RSF1: variants seen among roughly 807,000 people sequenced by gnomAD.
RSF1 encodes the protein remodeling and spacing factor 1, also known as HBV pX-associated protein 8.
In RSF1, 13 loss-of-function variants were observed where a neutral mutation model predicts 145.2. The observed-to-expected ratio is 0.09, with a 90% CI of 0.06 to 0.14. The LOEUF (loss-of-function observed/expected upper bound fraction) is 0.14. Ranked by LOEUF, RSF1 falls within the 10% of genes least tolerant of loss-of-function variation. The probability of loss-of-function intolerance (pLI) is 1.00; values close to 1 mark genes in which losing one functional copy is unlikely to be tolerated. For synonymous variants in RSF1, 577 were observed against 592.6 expected, an observed-to-expected ratio of 0.97 and a Z score of 0.38; for missense variants, 1,517 against 1,718.2, an observed-to-expected ratio of 0.88 and a Z score of 2.07.
At chr11:77,753,332 T>G (rs1948083167) in intron 2 of RSF1, among the ~76,000 whole-genome samples, 1 of 152,210 alleles carries the variant, frequency 6.6e-6, no homozygotes, top group Non-Finnish European at 1.5e-5. Context: ...ACTCCCATCT[T>G]GCCTTTAATC....
intron 5 of RSF1, among the ~76,000 whole-genome samples, chr11:77,707,983 A>G (rs1193328449): frequency 6.6e-6 from 1 of 152,228 alleles, no homozygotes; most frequent in Non-Finnish European, 1.5e-5. Context: ...TGATAATAGG[A>G]TAACAACTAA....
the RSF1 span, among the ~76,000 whole-genome samples, chr11:77,848,739 A>G: frequency 1.0e-2 from 1,516 of 152,272 alleles, 23 homozygotes; most frequent in African/African-American, 0.033. Context: ...GTGTGAAAGC[A>G]AACAGTAAGC....
chr11:77,671,151 A>ATT lies in RSF1; in HGVS notation c.3751+890_3751+891insAA, dbSNP rs1295238401. Among the ~76,000 whole-genome samples, 11 of 60,844 alleles carry ATT rather than the reference A, an allele frequency of 1.8e-4. 1 individual carries two copies. Among genetic ancestry groups the ATT allele is most frequent in the African/African-American group, 1.1e-3 (10 of 8,858 alleles). The allele number at this position is 60,844 out of a possible 152,430, so 39.9% of individuals were successfully genotyped here. ...AAAAAAAAAAAAAATATATATATAT[A>ATT]TATATATATATATATATATATATAT... On this transcript the variant is annotated intron_variant, in intron 15 of 15. Transcript: ENST00000308488.
At chr11:77,806,114 T>G (rs370151207) in intron 1 of RSF1, among the ~76,000 whole-genome samples, 70 of 152,184 alleles carry the variant, frequency 4.6e-4, no homozygotes, top group African/African-American at 1.6e-3. Context: ...CACCCCAAAG[T>G]GCCCACTGCC....
chr11:77,850,228 A>G, the RSF1 span, among the ~76,000 whole-genome samples: 110 of 152,332 alleles, frequency 7.2e-4, no homozygotes, highest in African/African-American at 2.6e-3. Flanking sequence ...AAGAAAATGT[A>G]AGGTCTTCAA....
rs193177193 is a variant in RSF1, at chr11:77,793,685, C to T, written c.187+26843G>A. On this transcript the variant is annotated intron_variant, in intron 1 of 15. Transcript: ENST00000308488. ...CTGCGACATCTGTCACTCCACTGAT[C>T]GCCAGGATTGATTCAGTTGATCTGG... Among the ~76,000 whole-genome samples, 4 of 152,306 alleles carry T rather than the reference C, an allele frequency of 2.6e-5. 1 individual carries two copies. In the East Asian group the frequency reaches 7.7e-4, roughly 29 times the overall value.
chr11:77,718,056 C>G (rs1029093351), intron 5 of RSF1: 1 of 152,186 alleles, frequency 6.6e-6, no homozygotes, highest in Non-Finnish European at 1.5e-5. Flanking sequence ...CCTGTAATCC[C>G]AGCACTTTGG....
intron 5 of RSF1, among the ~76,000 whole-genome samples, chr11:77,713,880 A>C (rs1274376943): frequency 6.6e-6 from 1 of 152,034 alleles, no homozygotes; most frequent in Non-Finnish European, 1.5e-5. Flanking sequence ...GTCCGTAGGG[A>C]TGTTATTCTG....
intron 1 of RSF1, among the ~76,000 whole-genome samples, chr11:77,794,452 G>T (rs1176098025): frequency 6.6e-6 from 1 of 152,112 alleles, no homozygotes; most frequent in Non-Finnish European, 1.5e-5. Context: ...CAAGGACAAG[G>T]TGGGAGGATT....
intron 1 of RSF1, among the ~76,000 whole-genome samples, chr11:77,796,542 A>G (rs879722522): frequency 1.3e-5 from 2 of 152,188 alleles, no homozygotes; most frequent in Non-Finnish European, 2.9e-5. Context: ...ACAAACCCAC[A>G]GCCAGTATCG....
At position 77,753,892 on chromosome 11, in the gene RSF1, G is replaced by A. The variant is rs149691943; in HGVS notation, c.280-6764C>T. 1.4e-3 allele frequency among the ~76,000 whole-genome samples: 206 copies of A among 152,282 alleles called. 1 individual carries two copies. Among genetic ancestry groups the A allele is most frequent in the African/African-American group, 4.7e-3 (196 of 41,546 alleles). On this transcript the variant is annotated intron_variant, in intron 2 of 15. Coordinates refer to ENST00000308488, the MANE Select transcript of RSF1 (RefSeq NM_016578.4). Reference sequence around the variant, plus strand: ...CCAATCTGTGGCCCCACCCAGCAACGACCAAGTATGCAGGAAGACCATTTC... The same window carrying A: ...CCAATCTGTGGCCCCACCCAGCAACAACCAAGTATGCAGGAAGACCATTTC...
chr11:77,775,801 C>T (rs557585845), intron 1 of RSF1, among the ~76,000 whole-genome samples: 7 of 152,266 alleles, frequency 4.6e-5, no homozygotes, highest in South Asian at 4.2e-4. Context: ...CAGAGTCTTG[C>T]TCTGTTGTCT....
chr11:77,835,751 TCTACCA>T, the RSF1 span, among the ~76,000 whole-genome samples: 1 of 151,628 alleles, frequency 6.6e-6, no homozygotes, highest in Non-Finnish European at 1.5e-5. Flanking sequence ...AAACCCTGTC[TCTACCA>T]AAATATACAA....
intron 1 of RSF1, 100 bp downstream of exon 1, chr11:77,820,428 G>T: frequency 1.6e-6 from 2 of 1,262,146 alleles, no homozygotes; most frequent in Non-Finnish European, 2.2e-6. Flanking sequence ...AGACAGAGCC[G>T]CGGAGGCCCG....
intron 1 of RSF1, among the ~76,000 whole-genome samples, chr11:77,819,773 G>T (rs1161911614): frequency 6.6e-6 from 1 of 152,106 alleles, no homozygotes; most frequent in Non-Finnish European, 1.5e-5. Context: ...TTTTGGGGGA[G>T]GTGGGGAGAG....
intron 4 of RSF1, among the ~76,000 whole-genome samples, chr11:77,727,618 A>T (rs1452698927): frequency 6.6e-6 from 1 of 151,774 alleles, no homozygotes; most frequent in Non-Finnish European, 1.5e-5. Context: ...CTGGGATTAC[A>T]GGCACCCATC....
At chr11:77,818,124 G>A (rs981834850) in intron 1 of RSF1, among the ~76,000 whole-genome samples, 3 of 152,144 alleles carry the variant, frequency 2.0e-5, no homozygotes, top group African/African-American at 7.2e-5. Flanking sequence ...TAATGCAGTG[G>A]CTGAAATAAA....
At chr11:77,790,474 T>C (rs1428083240) in intron 1 of RSF1, among the ~76,000 whole-genome samples, 1 of 151,928 alleles carries the variant, frequency 6.6e-6, no homozygotes. Flanking sequence ...CTCCCAAATC[T>C]CATGTCCTCA....
At chr11:77,869,715 C>A in the RSF1 span, 1 of 1,613,326 alleles carries the variant, frequency 6.2e-7, no homozygotes, top group African/African-American at 1.3e-5. Context: ...TCTCTTTCCA[C>A]ATCCAGCATT....
Sources: gnomAD v4.1 joint callset for allele counts (sites outside exome capture counted in the v4.1 genomes callset) on GRCh38, gnomAD v4.1.1 for gene constraint, MANE v1.5 for transcripts, NCBI Gene and HGNC (gene_info 2026-07-23, HGNC 2026-07-21) for gene names.